EIPR1: variants seen among roughly 807,000 people sequenced by gnomAD.
EIPR1 encodes the protein EARP complex and GARP complex interacting protein 1.
EIPR1 carries 25 observed loss-of-function variants against 48.1 expected under a neutral mutation model. The ratio of observed to expected loss-of-function variants is 0.52; its 90% CI spans 0.38 to 0.73. EIPR1 has a LOEUF of 0.73. Ranked by LOEUF, EIPR1 falls within the 30% of genes least tolerant of loss-of-function variation. The pLI, the probability that EIPR1 is intolerant of heterozygous loss-of-function variation, is 0.00. For missense variants in EIPR1, 415 were observed against 506.2 expected, an observed-to-expected ratio of 0.82 and a Z score of 1.73; for synonymous variants, 204 against 201.9, an observed-to-expected ratio of 1.01 and a Z score of -0.09.
At chr2:3,263,481 C>G (rs533277962) in intron 3 of EIPR1, among the ~76,000 whole-genome samples, 1 of 152,284 alleles carries the variant, frequency 6.6e-6, no homozygotes, top group East Asian at 1.9e-4. Context: ...GACCACCCCT[C>G]AACGGCCCCA....
chr2:3,263,945 A>G (rs1054866719), intron 3 of EIPR1, among the ~76,000 whole-genome samples: 7 of 152,236 alleles, frequency 4.6e-5, no homozygotes, highest in African/African-American at 1.7e-4. Context: ...GCATTACCTT[A>G]CATACTTATC....
chr2:3,243,866 G>A (rs762196692), intron 4 of EIPR1, among the ~76,000 whole-genome samples: 71 of 152,170 alleles, frequency 4.7e-4, no homozygotes, highest in Non-Finnish European at 8.8e-4. Flanking sequence ...CTGCTGTGAC[G>A]TCCAGGACAT....
At chr2:3,281,685 C>T (rs891281309) in intron 3 of EIPR1, among the ~76,000 whole-genome samples, 1 of 152,152 alleles carries the variant, frequency 6.6e-6, no homozygotes, top group Non-Finnish European at 1.5e-5. Flanking sequence ...CATTGACATT[C>T]ATTATGTTAC....
intron 3 of EIPR1, among the ~76,000 whole-genome samples, chr2:3,328,660 G>T (rs1482963094): frequency 6.9e-6 from 1 of 144,540 alleles, no homozygotes; most frequent in African/African-American, 2.6e-5. Context: ...ACGCTCTAAT[G>T]ATCTCAGGGC....
intron 1 of EIPR1, among the ~76,000 whole-genome samples, chr2:3,371,573 G>A (rs528100184): frequency 2.5e-4 from 38 of 152,180 alleles, no homozygotes; most frequent in South Asian, 1.7e-3. Flanking sequence ...AAAGGCAGGG[G>A]TTGCAATCCT....
intron 4 of EIPR1, among the ~76,000 whole-genome samples, chr2:3,224,935 G>A (rs1478093720): frequency 6.6e-6 from 1 of 152,204 alleles, no homozygotes; most frequent in African/African-American, 2.4e-5. Flanking sequence ...GCCTGTGACC[G>A]GCCATGAAGC....
chr2:3,200,607 G>C (rs982539862), intron 5 of EIPR1, among the ~76,000 whole-genome samples: 1 of 152,108 alleles, frequency 6.6e-6, no homozygotes, highest in African/African-American at 2.4e-5. Flanking sequence ...GCCGCCACGT[G>C]TGGGGCCTCG....
At chr2:3,224,145 C>T (rs190847623) in intron 4 of EIPR1, among the ~76,000 whole-genome samples, 30 of 152,140 alleles carry the variant, frequency 2.0e-4, no homozygotes, top group Non-Finnish European at 3.4e-4. Flanking sequence ...CCCGCCTTAC[C>T]GGCTAAACTT....
intron 4 of EIPR1, among the ~76,000 whole-genome samples, chr2:3,233,609 C>A (rs1666310110): frequency 6.6e-6 from 1 of 152,232 alleles, no homozygotes; most frequent in African/African-American, 2.4e-5. Context: ...CTGCTTTAAT[C>A]TGCGTTTTCT....
At chr2:3,347,678 T>G (rs77436996) in intron 2 of EIPR1, among the ~76,000 whole-genome samples, 1 of 152,222 alleles carries the variant, frequency 6.6e-6, no homozygotes, top group Admixed American at 6.5e-5. Context: ...ACTTTGTATG[T>G]TAGATCTGAA....
At chr2:3,340,352 G>A (rs917470281) in intron 2 of EIPR1, among the ~76,000 whole-genome samples, 4 of 152,296 alleles carry the variant, frequency 2.6e-5, no homozygotes, top group South Asian at 2.1e-4. Flanking sequence ...CGGCTTGCCC[G>A]AGGCAGAGCA....
rs575036596 is a variant in EIPR1 at position 3,206,922 on chromosome 2, C to T, written c.516+7227G>A. The stretch of plus-strand genomic sequence containing the variant: ...CTGGGAGCAGCGCGTCATGAAAGCA[C>T]GCCGGATCCCTCATGTCTGAACTGT... On this transcript the variant is annotated intron_variant, in intron 5 of 8. Transcript: ENST00000382125. Among the ~76,000 whole-genome samples, 8 of 152,296 alleles carry T rather than the reference C, an allele frequency of 5.3e-5. No individual in the cohort carries two copies. The East Asian group carries it at 5.8e-4, about 11-fold the overall frequency.
intron 3 of EIPR1, 35 bp from the exon 4 acceptor site, chr2:3,257,490 A>G (rs1165687555): frequency 3.1e-6 from 5 of 1,609,414 alleles, no homozygotes; most frequent in African/African-American, 2.7e-5. Context: ...ATGTCAACAG[A>G]GCACGGTGTG....
intron 3 of EIPR1, among the ~76,000 whole-genome samples, chr2:3,282,140 T>A (rs537340232): frequency 6.6e-6 from 1 of 152,234 alleles, no homozygotes; most frequent in Admixed American, 6.5e-5. Context: ...TTTATGAAAA[T>A]TCTAGGACAA....
intron 4 of EIPR1, among the ~76,000 whole-genome samples, chr2:3,255,205 T>A (rs887366753): frequency 1.5e-5 from 2 of 137,044 alleles, no homozygotes; most frequent in Non-Finnish European, 3.2e-5. Flanking sequence ...TTTTTTTTTT[T>A]AGACGGAGTC....
intron 2 of EIPR1, among the ~76,000 whole-genome samples, chr2:3,342,301 A>G (rs1461301146): frequency 6.6e-6 from 1 of 152,266 alleles, no homozygotes; most frequent in Non-Finnish European, 1.5e-5. Flanking sequence ...AACACAGACC[A>G]CAAGGTGATA....
chr2:3,323,272 C>G (rs905068188), intron 3 of EIPR1, among the ~76,000 whole-genome samples: 1 of 152,130 alleles, frequency 6.6e-6, no homozygotes, highest in Non-Finnish European at 1.5e-5. Context: ...AACCAGTGGT[C>G]CCCCCAGCCA....
intron 3 of EIPR1, among the ~76,000 whole-genome samples, chr2:3,322,044 G>C (rs762108217): frequency 1.3e-5 from 2 of 152,168 alleles, no homozygotes; most frequent in African/African-American, 2.4e-5. Context: ...CTCACTTCAC[G>C]GGAAGATGTC....
At chr2:3,238,051 C>T (rs951217600) in intron 4 of EIPR1, among the ~76,000 whole-genome samples, 4 of 152,180 alleles carry the variant, frequency 2.6e-5, no homozygotes, top group African/African-American at 9.7e-5. Context: ...AACAGCCTCC[C>T]TCACGAAAAC....
Sources: allele counts gnomAD v4.1 joint callset (sites outside exome capture counted in the v4.1 genomes callset), GRCh38; gene constraint gnomAD v4.1.1; transcripts MANE v1.5; gene names NCBI Gene and HGNC (gene_info 2026-07-23, HGNC 2026-07-21).